ARFGEF1: variants seen among roughly 807,000 people sequenced by gnomAD.
The protein encoded by ARFGEF1 is ARF guanine nucleotide exchange factor 1.
In ARFGEF1, 42 loss-of-function variants were observed where a neutral mutation model predicts 231.0. The ratio of observed to expected loss-of-function variants is 0.18; its 90% CI spans 0.14 to 0.24. ARFGEF1 has a LOEUF of 0.24. Among genes scored for constraint, ARFGEF1 ranks in the 10% least tolerant of loss-of-function variants. The probability of loss-of-function intolerance (pLI) is 1.00; values close to 1 mark genes in which losing one functional copy is unlikely to be tolerated. For missense variants in ARFGEF1, 1,345 were observed against 2,192.0 expected (o/e 0.61, Z 7.72); for synonymous variants, 710 against 732.3 (o/e 0.97, Z 0.49).
Position 67,343,346 on chromosome 8 carries a change from A to ACTCGTCCCTCCGGCCCT in ARFGEF1, c.-60_-59insAGGGCCGGAGGGACGAG. On this transcript the variant is annotated 5_prime_UTR_variant, in exon 1 of 39. Coordinates refer to ENST00000262215, the MANE Select transcript of ARFGEF1 (RefSeq NM_006421.5). Reference sequence around the variant, plus strand: ...CCGCGGCTCCCAGCGGCTGGAGGGGAGGAGGAGGAGAGGAAGGAAGAGAAG... The same window carrying ACTCGTCCCTCCGGCCCT: ...CCGCGGCTCCCAGCGGCTGGAGGGGACTCGTCCCTCCGGCCCTGGAGGAGGAGAGGAAGGAAGAGAAG... The ACTCGTCCCTCCGGCCCT allele has an allele frequency of 6.8e-7, 1 of 1,475,492 alleles. No individual in the cohort carries two copies. Among genetic ancestry groups the ACTCGTCCCTCCGGCCCT allele is most frequent in the Non-Finnish European group, 9.1e-7 (1 of 1,095,004 alleles). The allele number at this position is 1,475,492 out of a possible 1,614,324, so 91.4% of individuals were successfully genotyped here.
intron 33 of ARFGEF1, among the ~76,000 whole-genome samples, chr8:67,215,242 T>C (rs1427819478): frequency 2.0e-5 from 3 of 152,158 alleles, no homozygotes; most frequent in Non-Finnish European, 2.9e-5. Context: ...TTAGGGACTT[T>C]TGATTATATT....
At chr8:67,227,385 T>G in intron 26 of ARFGEF1, 62 bp downstream of exon 26, 1 of 1,598,424 alleles carries the variant, frequency 6.3e-7, no homozygotes, top group Admixed American at 1.7e-5. Context: ...CTTCTGTTTT[T>G]CTCCCTGCTG....
chr8:67,318,980 CA>C (rs999663868), intron 1 of ARFGEF1, among the ~76,000 whole-genome samples: 2 of 150,642 alleles, frequency 1.3e-5, no homozygotes, highest in Non-Finnish European at 3.0e-5. Context: ...AGAACAAAAA[CA>C]AAAAAAAATT....
At position 67,199,338 on chromosome 8, in the gene ARFGEF1, A is replaced by C. The variant is rs987141350; in HGVS notation, c.5386-240T>G. On this transcript the variant is annotated intron_variant, in intron 38 of 38. Transcript: ENST00000262215. ...ACATTTGTCTGTATATCTTTGACAAACTTTTAGTAATTTAGCACTGTTTTT... is the reference window on the plus strand; with the variant it reads ...ACATTTGTCTGTATATCTTTGACAACCTTTTAGTAATTTAGCACTGTTTTT... 3 of 384,770 alleles carry C rather than the reference A, an allele frequency of 7.8e-6. No homozygotes were observed. The Admixed American group carries it at 1.4e-4, about 18-fold the overall frequency. 23.8% of individuals were successfully genotyped at this position (384,770 alleles called of 1,614,324 possible).
intron 35 of ARFGEF1, among the ~76,000 whole-genome samples, chr8:67,204,070 GAACAA>G (rs1003773018): frequency 1.3e-5 from 2 of 152,148 alleles, no homozygotes; most frequent in Non-Finnish European, 2.9e-5. Flanking sequence ...CCAATCTGGA[GAACAA>G]AACATAGCAA....
At chr8:67,259,201 A>T (rs1025714590) in intron 15 of ARFGEF1, among the ~76,000 whole-genome samples, 1 of 152,202 alleles carries the variant, frequency 6.6e-6, no homozygotes, top group African/African-American at 2.4e-5. Flanking sequence ...AGGACCAATT[A>T]GAGATGATTA....
rs1464476016 is a variant in ARFGEF1 at position 67,207,495 on chromosome 8, T to C, written c.4820-2676A>G. On this transcript the variant is annotated intron_variant, in intron 34 of 38. Coordinates refer to ENST00000262215, the MANE Select transcript of ARFGEF1 (RefSeq NM_006421.5). ...TCACTAGCAAGGACCAGAAGCACAT[T>C]TGATGACAATATCTATTTGGACAAA... Among the ~76,000 whole-genome samples, 10 of 152,168 alleles carry C rather than the reference T, an allele frequency of 6.6e-5. 1 individual carries two copies. The highest frequency in any genetic ancestry group is 5.9e-4 in the Admixed American group (9 of 15,278).
intron 1 of ARFGEF1, among the ~76,000 whole-genome samples, chr8:67,339,980 CT>C (rs1281585870): frequency 6.6e-6 from 1 of 151,354 alleles, no homozygotes; most frequent in Non-Finnish European, 1.5e-5. Flanking sequence ...AAAATTTCCC[CT>C]AATCTACATG....
At chr8:67,341,632 T>G (rs1445688820) in intron 1 of ARFGEF1, among the ~76,000 whole-genome samples, 2 of 152,042 alleles carry the variant, frequency 1.3e-5, no homozygotes, top group Non-Finnish European at 2.9e-5. Flanking sequence ...TTAATTTGAA[T>G]CTCTCTAAAG....
In ARFGEF1 at chr8:67,244,266, A is replaced by AAAAAC. The variant is rs1563860748; in HGVS notation, c.2851-3977_2851-3976insGTTTT. 1.2e-4 allele frequency among the ~76,000 whole-genome samples: 2 copies of AAAAAC among 17,208 alleles called. 1 individual carries two copies. The highest frequency in any genetic ancestry group is 5.9e-4 in the African/African-American group (2 of 3,398). 11.3% of individuals were successfully genotyped at this position (17,208 alleles called of 152,430 possible). ...TCAAAAAAAAAAAAAAAAAAAAAAA[A>AAAAAC]AACATTCGACTACTGAGTCTCTCGT... On this transcript the variant is annotated intron_variant, in intron 19 of 38. Transcript: ENST00000262215.
intron 1 of ARFGEF1, among the ~76,000 whole-genome samples, chr8:67,317,358 T>G (rs1807365925): frequency 6.6e-6 from 1 of 152,110 alleles, no homozygotes; most frequent in Non-Finnish European, 1.5e-5. Flanking sequence ...AGCTGGTATC[T>G]GAAGTGAAAA....
intron 17 of ARFGEF1, among the ~76,000 whole-genome samples, chr8:67,256,233 G>A (rs1840449061): frequency 6.6e-6 from 1 of 152,180 alleles, no homozygotes; most frequent in African/African-American, 2.4e-5. Flanking sequence ...AAGGTGAGCT[G>A]CTTTGACTAT....
chr8:67,335,584 T>A (rs1563922268), intron 1 of ARFGEF1, among the ~76,000 whole-genome samples: 1 of 152,220 alleles, frequency 6.6e-6, no homozygotes, highest in Non-Finnish European at 1.5e-5. Context: ...GTACTTTGAC[T>A]GCTTATATTT....
chr8:67,297,648 A>C (rs1806293626), intron 4 of ARFGEF1, among the ~76,000 whole-genome samples: 1 of 152,190 alleles, frequency 6.6e-6, no homozygotes, highest in African/African-American at 2.4e-5. Context: ...GAATTTTCAC[A>C]TATTGGGTTA....
chr8:67,334,765 A>C (rs1044172290), intron 1 of ARFGEF1, among the ~76,000 whole-genome samples: 6 of 152,234 alleles, frequency 3.9e-5, no homozygotes, highest in Non-Finnish European at 8.8e-5. Context: ...TTCATGAATG[A>C]ACCTCAAAAA....
chr8:67,256,501 T>C (rs1840458274), intron 17 of ARFGEF1, among the ~76,000 whole-genome samples: 1 of 152,134 alleles, frequency 6.6e-6, no homozygotes, highest in Non-Finnish European at 1.5e-5. Flanking sequence ...AAAATCCCTA[T>C]ACTGCAAAGG....
chr8:67,177,549 A>G, intron 5 of ARFGEF1: 1 of 614,528 alleles, frequency 1.6e-6, no homozygotes. Flanking sequence ...TATCTTTAAA[A>G]TACTCTGAAG....
At chr8:67,311,013 G>C (rs760801734) in intron 1 of ARFGEF1, among the ~76,000 whole-genome samples, 1 of 138,386 alleles carries the variant, frequency 7.2e-6, no homozygotes, top group Non-Finnish European at 1.6e-5. Context: ...CCGGCCAGCC[G>C]CCCCGTCTGG....
In ARFGEF1 at chr8:67,180,340, G is replaced by A. The variant is rs1482815512; in HGVS notation, c.561-4768C>T. On this transcript the variant is annotated intron_variant, in intron 5 of 5. Coordinates refer to the ARFGEF1 transcript ENST00000518789. ...TGAGCAAAAAAGACAATCCCAATAA[G>A]TTACATACTACTGTATGATTCAATT... 2.6e-5 allele frequency among the ~76,000 whole-genome samples: 4 copies of A among 152,138 alleles called. No homozygotes were observed. The East Asian group carries it at 7.7e-4, about 29-fold the overall frequency.
Sources: allele counts gnomAD v4.1 joint callset (sites outside exome capture counted in the v4.1 genomes callset), GRCh38; gene constraint gnomAD v4.1.1; transcripts MANE v1.5; gene names NCBI Gene and HGNC (gene_info 2026-07-23, HGNC 2026-07-21).